Variants in DHX37 observed in about 807,000 individuals in gnomAD.
DHX37 encodes probable ATP-dependent RNA helicase DHX37.
In DHX37, 52 loss-of-function variants were observed where a neutral mutation model predicts 134.3. The observed-to-expected ratio is 0.39, with a 90% CI of 0.31 to 0.49. DHX37 has a LOEUF of 0.49. Ranked by LOEUF, DHX37 falls within the 20% of genes least tolerant of loss-of-function variation. The pLI is 0.93. For synonymous variants in DHX37, 634 were observed against 670.7 expected, an observed-to-expected ratio of 0.95 and a Z score of 0.85; for missense variants, 1,344 against 1,580.8, an observed-to-expected ratio of 0.85 and a Z score of 2.54.
intron 15 of DHX37, among the ~76,000 whole-genome samples, chr12:124,963,652 G>A (rs1221888276): frequency 2.0e-5 from 3 of 151,032 alleles, no homozygotes; most frequent in South Asian, 2.1e-4. Flanking sequence ...GGTGGATCAC[G>A]AGGTCAGGAG....
At chr12:124,953,097 ACTTCT>A (rs978572102) in intron 20 of DHX37, 15 of 152,336 alleles carry the variant, frequency 9.8e-5, no homozygotes, top group African/African-American at 3.6e-4. Flanking sequence ...GACTCAAGTG[ACTTCT>A]CTTCCTTGCA....
At chr12:124,986,037 C>T in intron 2 of DHX37, 59 bp downstream of exon 2, 3 of 1,565,626 alleles carry the variant, frequency 1.9e-6, no homozygotes, top group African/African-American at 1.4e-5. Flanking sequence ...AGGAGAGAGA[C>T]CCCCCATCTC....
At chr12:124,977,914 A>C (rs1954678130) in intron 4 of DHX37, among the ~76,000 whole-genome samples, 1 of 152,300 alleles carries the variant, frequency 6.6e-6, no homozygotes, top group Admixed American at 6.5e-5. Context: ...TCATGGAAAG[A>C]AACACATTTT....
intron 21 of DHX37, 100 bp downstream of exon 21, chr12:124,952,298 C>A (rs1233939368): frequency 9.2e-6 from 12 of 1,308,712 alleles, no homozygotes; most frequent in Non-Finnish European, 1.2e-5. Flanking sequence ...GGACCCACAG[C>A]TGAGAGGGAA....
intron 7 of DHX37, 145 bp from the exon 8 acceptor site, chr12:124,971,560 C>T (rs1350086731): frequency 5.2e-6 from 7 of 1,347,292 alleles, no homozygotes; most frequent in East Asian, 2.5e-5. Context: ...CTCAGATGCC[C>T]GCAGAGTGGG....
intron 1 of DHX37, among the ~76,000 whole-genome samples, chr12:124,988,413 A>G (rs753578029): frequency 2.0e-5 from 3 of 152,094 alleles, no homozygotes; most frequent in Admixed American, 6.6e-5. Context: ...CTATATGTTT[A>G]TTCTTTGCCT....
Position 124,968,668 on chromosome 12 carries a change from G to C in DHX37, c.1294-20C>G. 6.2e-7 allele frequency: 1 copy of C among 1,613,188 alleles called. No homozygotes were observed. The highest frequency in any genetic ancestry group is 8.5e-7 in the Non-Finnish European group (1 of 1,180,018). ...TTCCACCTGTGGGACGCCCAGGAAG[G>C]CATGGGGAGTGGGGGGGACACGAGC... On this transcript the variant is annotated intron_variant, in intron 9 of 26. Transcript: ENST00000308736.
intron 15 of DHX37, among the ~76,000 whole-genome samples, chr12:124,961,201 T>A (rs567815245): frequency 1.7e-5 from 1 of 57,816 alleles, no homozygotes; most frequent in Non-Finnish European, 3.9e-5. Flanking sequence ...CACACACACA[T>A]ACACGTGTGC....
chr12:124,955,591 G>A (rs371729470), intron 18 of DHX37, among the ~76,000 whole-genome samples: 24 of 152,302 alleles, frequency 1.6e-4, no homozygotes, highest in East Asian at 1.2e-3. Flanking sequence ...GATTACAGGC[G>A]TGAGCCACCA....
chr12:124,985,692 C>T (rs1446469891), intron 2 of DHX37, among the ~76,000 whole-genome samples: 4 of 149,334 alleles, frequency 2.7e-5, no homozygotes, highest in African/African-American at 9.9e-5. Flanking sequence ...AAGATCATTT[C>T]ACTGCACTCC....
rs745822418 is a variant in DHX37 at position 124,989,055 on chromosome 12, C to T, written c.-33G>A. On this transcript the variant is annotated 5_prime_UTR_variant, in exon 1 of 27. Coordinates refer to ENST00000308736, the MANE Select transcript of DHX37 (RefSeq NM_032656.4). ...AGGCCAGGGTGGGCGCTCCAGCGGC[C>T]GGACCAGCAGAGCAATCCGAAACCC... 19 of 1,309,072 alleles carry T rather than the reference C, an allele frequency of 1.5e-5. No individual in the cohort carries two copies. Among genetic ancestry groups the T allele is most frequent in the Admixed American group, 7.6e-5 (2 of 26,448 alleles). 81.1% of individuals were successfully genotyped at this position (1,309,072 alleles called of 1,614,324 possible).
chr12:124,960,214 G>A, intron 16 of DHX37, 98 bp downstream of exon 16: 1 of 1,522,402 alleles, frequency 6.6e-7, no homozygotes, highest in Non-Finnish European at 8.8e-7. Flanking sequence ...GCTGCCGCAG[G>A]CCAGGCACCA....
chr12:124,973,856 T>C (rs192800103), intron 6 of DHX37, among the ~76,000 whole-genome samples: 3 of 152,154 alleles, frequency 2.0e-5, no homozygotes, highest in African/African-American at 7.2e-5. Flanking sequence ...TTTGTCAGGC[T>C]AGTCACAAAC....
In DHX37 at chr12:124,980,380, G is replaced by T; in HGVS notation, c.738+110C>A. 8.2e-7 allele frequency: 1 copy of T among 1,222,022 alleles called. No individual in the cohort carries two copies. Among genetic ancestry groups the T allele is most frequent in the Non-Finnish European group, 1.1e-6 (1 of 894,010 alleles). The allele number at this position is 1,222,022 out of a possible 1,614,324, so 75.7% of individuals were successfully genotyped here. A position where few individuals can be genotyped will look rare whatever the true frequency, so the allele number is the denominator to read the frequency against. On this transcript the variant is annotated intron_variant, in intron 4 of 26. Transcript: ENST00000308736. This position sits in a 1 kb window ranked among gnomAD's most constrained non-coding sequence, Gnocchi z 5.3. ...GTCACTCTCCCCTTTCCCAGATGGG[G>T]ACATGGAGGCACAGAGAAGGGATGC...
chr12:124,971,186 T>A (rs1954514787), intron 8 of DHX37, 116 bp downstream of exon 8: 2 of 1,471,188 alleles, frequency 1.4e-6, no homozygotes, highest in Middle Eastern at 2.4e-4. Flanking sequence ...TCGGGGTACC[T>A]GCTCATGGCA....
At position 124,964,916 on chromosome 12, in the gene DHX37, C is replaced by G; in HGVS notation, c.1812+14G>C. The stretch of plus-strand genomic sequence containing the variant: ...AAGTGCCCCAAAAGCTGGGCACCGG[C>G]CCAGCACGGTTACCTGTGCTTGCTT... On this transcript the variant is annotated intron_variant, in intron 14 of 26. Coordinates refer to ENST00000308736, the MANE Select transcript of DHX37 (RefSeq NM_032656.4). 6.3e-7 allele frequency: 1 copy of G among 1,581,186 alleles called. No individual in the cohort carries two copies. The highest frequency in any genetic ancestry group is 1.2e-5 in the South Asian group (1 of 86,126).
chr12:124,965,107 G>A, intron 13 of DHX37, 101 bp from the exon 14 acceptor site: 1 of 1,336,870 alleles, frequency 7.5e-7, no homozygotes, highest in Non-Finnish European at 1.0e-6. Flanking sequence ...CTCCACCAGA[G>A]CTCCTTTCTT....
chr12:124,958,034 G>A (rs1015497351), intron 16 of DHX37, among the ~76,000 whole-genome samples: 4 of 152,230 alleles, frequency 2.6e-5, no homozygotes, highest in Admixed American at 6.5e-5. Flanking sequence ...TGCATGAAAT[G>A]TCCCAAACTG....
intron 1 of DHX37, among the ~76,000 whole-genome samples, chr12:124,988,238 C>T (rs1191441888): frequency 1.3e-5 from 2 of 152,062 alleles, no homozygotes; most frequent in Admixed American, 1.3e-4. Context: ...CCAGGCCCGA[C>T]CTGCCCTGGC....
Sources: allele counts gnomAD v4.1 joint callset (sites outside exome capture counted in the v4.1 genomes callset), GRCh38; gene constraint gnomAD v4.1.1; non-coding constraint Gnocchi (gnomAD v3.1); transcripts MANE v1.5; gene names NCBI Gene and HGNC (gene_info 2026-07-23, HGNC 2026-07-21).